The following SCARA5 variants were observed in gnomAD, a reference collection of about 807,000 sequenced individuals.
The protein encoded by SCARA5 is scavenger receptor class A member 5, also known as scavenger receptor class A, member 5 (putative).
A neutral mutation model predicts 46.3 loss-of-function variants in SCARA5; 45 were observed. That is an observed-to-expected ratio of 0.97 (90% CI 0.76 to 1.24). The LOEUF (loss-of-function observed/expected upper bound fraction) is 1.24, where lower values mean the gene tolerates loss of function less well. Among genes scored for constraint, SCARA5 ranks in the 50% most tolerant of loss-of-function variants. SCARA5 has a pLI of 0.00. For missense variants in SCARA5, 680 were observed against 689.0 expected (o/e 0.99, Z 0.15); for synonymous variants, 333 against 306.5 (o/e 1.09, Z -0.90).
intron 8 of SCARA5, among the ~76,000 whole-genome samples, chr8:27,878,754 G>T (rs1177192311): frequency 1.3e-5 from 2 of 152,144 alleles, no homozygotes; most frequent in Admixed American, 1.3e-4. Context: ...GTGACCTTGG[G>T]CAAGTTACTC....
intron 7 of SCARA5, among the ~76,000 whole-genome samples, chr8:27,884,348 C>A (rs1215210862): frequency 1.3e-5 from 2 of 152,238 alleles, no homozygotes; most frequent in Non-Finnish European, 2.9e-5. Context: ...CACCAAGAAA[C>A]TCCCCGGGAG....
intron 2 of SCARA5, among the ~76,000 whole-genome samples, chr8:27,975,502 C>T (rs1563200101): frequency 7.6e-6 from 1 of 131,292 alleles, no homozygotes; most frequent in Non-Finnish European, 1.7e-5. Context: ...GGACTGGGCC[C>T]TCAACCTGTG....
chr8:27,946,082 C>T (rs4276643), intron 3 of SCARA5, among the ~76,000 whole-genome samples: 97,968 of 152,120 alleles, frequency 0.64, 32,020 homozygotes, highest in Middle Eastern at 0.8. Flanking sequence ...AAGGGAAATG[C>T]TACAGCAGTG....
intron 2 of SCARA5, among the ~76,000 whole-genome samples, chr8:27,977,067 C>G (rs551146479): frequency 6.6e-6 from 1 of 152,306 alleles, no homozygotes; most frequent in East Asian, 1.9e-4. Flanking sequence ...AAGGCACCGG[C>G]AGATCAGGTG....
In SCARA5 at chr8:27,871,905, A is replaced by C. The variant is rs778380028; in HGVS notation, c.*29T>G. 3.7e-6 allele frequency: 6 copies of C among 1,613,338 alleles called. No individual in the cohort carries two copies. The East Asian group carries it at 1.3e-4, about 36-fold the overall frequency. ...GGGATGCAGGAAGGGTGCTCTGTGC[A>C]GGACCCCGAACTTGGGCTCTGCCCA... On this transcript the variant is annotated 3_prime_UTR_variant, in exon 9 of 9. Transcript: ENST00000354914.
chr8:27,870,546 T>C lies in SCARA5; in HGVS notation c.*1388A>G. 6.6e-6 allele frequency: 1 copy of C among 152,136 alleles called. No homozygotes were observed. 9.4% of individuals were successfully genotyped at this position (152,136 alleles called of 1,614,324 possible). On this transcript the variant is annotated 3_prime_UTR_variant, in exon 9 of 9. Coordinates refer to ENST00000354914, the MANE Select transcript of SCARA5 (RefSeq NM_173833.6). ...TCACCTGATATGACAGGTGATCGTG[T>C]ATCTGAGGCCTATGAGTTTGAGATT... is the stretch of plus-strand genomic sequence containing the variant.
chr8:27,966,322 G>A, intron 3 of SCARA5, 92 bp downstream of exon 3: 1 of 1,331,204 alleles, frequency 7.5e-7, no homozygotes. Flanking sequence ...CAAGGGCAGT[G>A]TTTGGGCTCA....
intron 8 of SCARA5, among the ~76,000 whole-genome samples, chr8:27,878,290 A>G (rs1806756734): frequency 6.6e-6 from 1 of 152,222 alleles, no homozygotes; most frequent in South Asian, 2.1e-4. Flanking sequence ...CTTTAGTTAC[A>G]GACAGGACAC....
At chr8:27,895,901 T>A (rs1807057685) in intron 7 of SCARA5, among the ~76,000 whole-genome samples, 1 of 152,166 alleles carries the variant, frequency 6.6e-6, no homozygotes, top group Non-Finnish European at 1.5e-5. Context: ...GGCTACCCGG[T>A]GTTCAATAAA....
intron 7 of SCARA5, among the ~76,000 whole-genome samples, chr8:27,883,332 A>G (rs1806841142): frequency 6.6e-6 from 1 of 152,216 alleles, no homozygotes; most frequent in Admixed American, 6.5e-5. Flanking sequence ...ACACATGGTC[A>G]GTGCCAGAGC....
At chr8:27,953,290 C>A (rs1244683295) in intron 3 of SCARA5, among the ~76,000 whole-genome samples, 1 of 152,230 alleles carries the variant, frequency 6.6e-6, no homozygotes, top group African/African-American at 2.4e-5. Flanking sequence ...GCCCTTTGCT[C>A]TTCCTGCCCA....
intron 3 of SCARA5, among the ~76,000 whole-genome samples, chr8:27,957,876 T>C (rs970631147): frequency 5.3e-5 from 8 of 152,186 alleles, no homozygotes; most frequent in Non-Finnish European, 1.2e-4. Flanking sequence ...TAGCATGGGG[T>C]TGGCAAATGG....
At chr8:27,972,742 G>C (rs969022015) in intron 2 of SCARA5, among the ~76,000 whole-genome samples, 1 of 152,090 alleles carries the variant, frequency 6.6e-6, no homozygotes. Context: ...GTATGTGCCT[G>C]TATCCTAGCT....
intron 3 of SCARA5, among the ~76,000 whole-genome samples, chr8:27,923,456 A>G (rs1410118904): frequency 6.6e-6 from 1 of 152,206 alleles, no homozygotes; most frequent in Non-Finnish European, 1.5e-5. Flanking sequence ...TTGTCACCCA[A>G]TCAGAGTCCA....
chr8:27,976,197 A>G (rs1689180920), intron 2 of SCARA5, among the ~76,000 whole-genome samples: 1 of 152,188 alleles, frequency 6.6e-6, no homozygotes, highest in South Asian at 2.1e-4. Flanking sequence ...CACTGCAGCC[A>G]TGCGGGAGAG....
chr8:27,871,558 C>T lies in SCARA5; in HGVS notation c.*376G>A. ...AAATGATCTATACTACCAACCATCG[C>T]TGCTGCTGCACTTGTCTCTGACACA... is the stretch of plus-strand genomic sequence containing the variant. On this transcript the variant is annotated 3_prime_UTR_variant, in exon 9 of 9. Transcript: ENST00000354914. 1 of 1,082,574 alleles carries T rather than the reference C, an allele frequency of 9.2e-7. No individual in the cohort carries two copies. Among genetic ancestry groups the T allele is most frequent in the Non-Finnish European group, 1.1e-6 (1 of 889,000 alleles). The allele number at this position is 1,082,574 out of a possible 1,614,324, so 67.1% of individuals were successfully genotyped here.
chr8:27,979,668 C>T (rs1808584947), intron 2 of SCARA5, among the ~76,000 whole-genome samples: 1 of 152,020 alleles, frequency 6.6e-6, no homozygotes, highest in Non-Finnish European at 1.5e-5. Context: ...ATTCTCCTGC[C>T]TCATTCTCCC....
intron 7 of SCARA5, among the ~76,000 whole-genome samples, chr8:27,894,853 T>C (rs934576744): frequency 6.6e-6 from 1 of 152,234 alleles, no homozygotes; most frequent in Non-Finnish European, 1.5e-5. Context: ...ACAGAGAGCC[T>C]GCACGTTCCA....
At chr8:27,912,736 C>A (rs1248679596) in intron 4 of SCARA5, among the ~76,000 whole-genome samples, 3 of 152,202 alleles carry the variant, frequency 2.0e-5, no homozygotes, top group Admixed American at 2.0e-4. Flanking sequence ...CTGCACCCTC[C>A]AATTTCACCT....
Sources: allele counts gnomAD v4.1 joint callset (sites outside exome capture counted in the v4.1 genomes callset), GRCh38; gene constraint gnomAD v4.1.1; transcripts MANE v1.5; gene names NCBI Gene and HGNC (gene_info 2026-07-23, HGNC 2026-07-21).